SRGAP1: variants seen among roughly 807,000 people sequenced by gnomAD.
The protein encoded by SRGAP1 is SLIT-ROBO Rho GTPase activating protein 1, also known as SLIT-ROBO Rho GTPase-activating protein 1.
SRGAP1 carries 43 observed loss-of-function variants against 121.9 expected under a neutral mutation model. That is an observed-to-expected ratio of 0.35 (90% CI 0.28 to 0.46). The LOEUF is 0.46. Among genes scored for constraint, SRGAP1 ranks in the 20% least tolerant of loss-of-function variants. The probability of loss-of-function intolerance (pLI) is 1.00; values close to 1 mark genes in which losing one functional copy is unlikely to be tolerated. For synonymous variants in SRGAP1, 447 were observed against 485.4 expected, an observed-to-expected ratio of 0.92 and a Z score of 1.04; for missense variants, 1,102 against 1,350.9, an observed-to-expected ratio of 0.82 and a Z score of 2.89.
chr12:64,109,085 T>C, intron 16 of SRGAP1, 48 bp downstream of exon 16: 1 of 1,276,294 alleles, frequency 7.8e-7, no homozygotes, highest in Admixed American at 2.1e-5. Flanking sequence ...ATTCTGTCTT[T>C]GTTCTTCGAT....
At chr12:64,039,450 C>T (rs2136500098) in intron 4 of SRGAP1, among the ~76,000 whole-genome samples, 1 of 152,258 alleles carries the variant, frequency 6.6e-6, no homozygotes, top group Non-Finnish European at 1.5e-5. Context: ...TACTAGTCCT[C>T]AGTGTCCAAG....
At chr12:63,863,722 T>C (rs1899532584) in intron 1 of SRGAP1, among the ~76,000 whole-genome samples, 1 of 152,276 alleles carries the variant, frequency 6.6e-6, no homozygotes, top group Non-Finnish European at 1.5e-5. Context: ...CTATCTGTAT[T>C]GTTAAAATAA....
intron 1 of SRGAP1, among the ~76,000 whole-genome samples, chr12:63,859,163 T>C (rs900757364): frequency 2.6e-5 from 4 of 152,230 alleles, no homozygotes; most frequent in Non-Finnish European, 4.4e-5. Context: ...CTTTTCTTGC[T>C]GAATCTTAAA....
At chr12:64,094,847 A>T in intron 12 of SRGAP1, 85 bp from the exon 13 acceptor site, 1 of 1,286,504 alleles carries the variant, frequency 7.8e-7, no homozygotes, top group Non-Finnish European at 1.1e-6. Context: ...ATCCCTCTTT[A>T]ATTACTGTTA....
chr12:64,075,031 G>A (rs117459435), intron 8 of SRGAP1, among the ~76,000 whole-genome samples: 1,647 of 151,670 alleles, frequency 0.011, 8 homozygotes, highest in South Asian at 0.028. Flanking sequence ...CCTCGGTCGG[G>A]GAGACCCTAA....
intron 4 of SRGAP1, among the ~76,000 whole-genome samples, chr12:64,022,256 T>C (rs1047413914): frequency 6.6e-6 from 1 of 152,090 alleles, no homozygotes; most frequent in African/African-American, 2.4e-5. Context: ...GTGAGCAAGC[T>C]GGAGATCCAG....
At position 63,967,145 on chromosome 12, in the gene SRGAP1, A is replaced by G. The variant is rs576648029; in HGVS notation, c.68-16802A>G. ...TAGCCTGGCTTATTCATTTTTATAT[A>G]AAAGCAACTAGCAGGCTGGGTGTGG... On this transcript the variant is annotated intron_variant, in intron 1 of 21. Transcript: ENST00000355086. 2.0e-5 allele frequency among the ~76,000 whole-genome samples: 3 copies of G among 152,344 alleles called. No individual in the cohort carries two copies. The South Asian group carries it at 6.2e-4, about 32-fold the overall frequency.
At chr12:63,926,812 T>C (rs1286808537) in intron 1 of SRGAP1, among the ~76,000 whole-genome samples, 2 of 152,226 alleles carry the variant, frequency 1.3e-5, no homozygotes, top group Non-Finnish European at 2.9e-5. Flanking sequence ...TGTGAAACTT[T>C]GTACTCTTTG....
At chr12:64,055,002 G>T (rs1275309053) in intron 6 of SRGAP1, among the ~76,000 whole-genome samples, 1 of 150,386 alleles carries the variant, frequency 6.6e-6, no homozygotes, top group African/African-American at 2.4e-5. Flanking sequence ...GTTCTGGCCA[G>T]GGCAATTAGG....
chr12:64,096,495 A>T (rs1460502216), intron 14 of SRGAP1, among the ~76,000 whole-genome samples: 1 of 152,216 alleles, frequency 6.6e-6, no homozygotes, highest in East Asian at 1.9e-4. Context: ...AGGAACAATA[A>T]CCAGACTTGT....
chr12:64,096,975 A>G (rs1437043197), intron 14 of SRGAP1, among the ~76,000 whole-genome samples: 1 of 152,180 alleles, frequency 6.6e-6, no homozygotes, highest in East Asian at 1.9e-4. Flanking sequence ...AAATTCCACA[A>G]TATTTTATTT....
intron 3 of SRGAP1, among the ~76,000 whole-genome samples, chr12:64,011,716 G>A (rs545346881): frequency 2.0e-5 from 3 of 152,250 alleles, no homozygotes; most frequent in African/African-American, 4.8e-5. Flanking sequence ...GAATCAAATT[G>A]TGGTTCTGAA....
At chr12:64,004,459 C>T (rs2034013813) in intron 3 of SRGAP1, among the ~76,000 whole-genome samples, 1 of 152,108 alleles carries the variant, frequency 6.6e-6, no homozygotes, top group African/African-American at 2.4e-5. Flanking sequence ...GCAACTTCCA[C>T]CTTCCGAGTT....
In SRGAP1 at chr12:64,108,956, C is replaced by T. The variant is rs750241777; in HGVS notation, c.1838C>T (p.Ala613Val). ...GGAATAGATAATCTCTATGAGAGGG[C>T]GCTTCACATCCGCAAACTCCTCCTG... is the stretch of plus-strand genomic sequence containing the variant. ...CIRIDNLYER[A>V]LHIRKLLLTL... Residue 613 changes from alanine (A) to valine (V), a missense_variant, in exon 16 of 22, where the codon GCG (alanine) becomes GTG (valine). Ala to Val is a moderately conservative substitution (Grantham distance 64). Around this residue, in one of 3 missense-constraint regions of SRGAP1, gnomAD observed 747 missense variants for 929.4 expected, o/e 0.80. Transcript: ENST00000355086. The T allele has an allele frequency of 2.5e-6, 4 of 1,602,928 alleles. No individual in the cohort carries two copies. Among genetic ancestry groups the T allele is most frequent in the South Asian group, 2.2e-5 (2 of 89,360 alleles).
intron 4 of SRGAP1, among the ~76,000 whole-genome samples, chr12:64,017,815 T>G (rs2034445147): frequency 6.6e-6 from 1 of 152,188 alleles, no homozygotes; most frequent in Non-Finnish European, 1.5e-5. Flanking sequence ...AATAATTTGC[T>G]TTTGTGACTT....
intron 1 of SRGAP1, among the ~76,000 whole-genome samples, chr12:63,863,850 G>A (rs1447773477): frequency 6.6e-6 from 1 of 152,200 alleles, no homozygotes; most frequent in African/African-American, 2.4e-5. Flanking sequence ...GCCACATGGT[G>A]GAAGATTTAT....
At chr12:63,848,202 C>T (rs906286032) in intron 1 of SRGAP1, among the ~76,000 whole-genome samples, 2 of 151,674 alleles carry the variant, frequency 1.3e-5, no homozygotes, top group Non-Finnish European at 2.9e-5. Flanking sequence ...GATGGGGTTT[C>T]GACATGTTGG....
chr12:64,054,775 T>G (rs1478634193), intron 6 of SRGAP1, among the ~76,000 whole-genome samples: 1 of 152,052 alleles, frequency 6.6e-6, no homozygotes, highest in Non-Finnish European at 1.5e-5. Flanking sequence ...TTAGGGTACA[T>G]GTGCACATTG....
In SRGAP1 at chr12:63,900,145, A is replaced by ACTAAGCAATGC. The variant is rs372486027; in HGVS notation, c.67+55265_67+55275dup. Among the ~76,000 whole-genome samples the ACTAAGCAATGC allele has an allele frequency of 6.9e-3, 1,042 of 151,822 alleles. 6 individuals carry two copies. The highest frequency in any genetic ancestry group is 0.024 in the African/African-American group (986 of 41,406). ...GATGACAACAGCTTTGCAGTTATGA[A>ACTAAGCAATGC]CTAAGCAATGCCTTATGTCTCCGTT... On this transcript the variant is annotated intron_variant, in intron 1 of 21. Transcript: ENST00000355086.
Sources: gnomAD v4.1 joint callset for allele counts (sites outside exome capture counted in the v4.1 genomes callset) on GRCh38, gnomAD v4.1.1 for gene constraint, gnomAD v4.1.1 regional missense constraint, MANE v1.5 for transcripts, NCBI Gene and HGNC (gene_info 2026-07-23, HGNC 2026-07-21) for gene names.